The following INPP4A variants were observed in gnomAD, a reference collection of about 807,000 sequenced individuals.
INPP4A encodes inositol polyphosphate-4-phosphatase type I A.
Under a neutral mutation model 119.8 loss-of-function variants are expected in INPP4A, and 33 were observed. The observed-to-expected ratio is 0.28, with a 90% CI of 0.21 to 0.37. The LOEUF is 0.37. Ranked by LOEUF, INPP4A falls within the 10% of genes least tolerant of loss-of-function variation. The probability of loss-of-function intolerance (pLI) is 1.00; values close to 1 mark genes in which losing one functional copy is unlikely to be tolerated. For missense variants in INPP4A, 956 were observed against 1,289.9 expected (o/e 0.74, Z 3.97); for synonymous variants, 496 against 500.7 (o/e 0.99, Z 0.12).
intron 1 of INPP4A, among the ~76,000 whole-genome samples, chr2:98,458,003 T>G (rs6756034): frequency 0.028 from 4,119 of 149,468 alleles, 203 homozygotes; most frequent in African/African-American, 0.097. Flanking sequence ...TTTTTTTGTT[T>G]AAATGAGGTC....
In INPP4A at chr2:98,588,915, T is replaced by A. The variant is rs1364269284; in HGVS notation, c.*1307T>A. The A allele has an allele frequency of 5.0e-6, 1 of 199,252 alleles. No individual in the cohort carries two copies. Among genetic ancestry groups the A allele is most frequent in the African/African-American group, 2.3e-5 (1 of 43,452 alleles). The allele number at this position is 199,252 out of a possible 1,614,324, so 12.3% of individuals were successfully genotyped here. ...TGATTTGTGAACCTCTTAGAAATTC[T>A]TTTGTCTAAAAGCCTAGAGATTCTT... On this transcript the variant is annotated 3_prime_UTR_variant, in exon 25 of 25. Transcript: ENST00000409851.
At chr2:98,490,461 C>T (rs17032688) in intron 1 of INPP4A, among the ~76,000 whole-genome samples, 1,667 of 152,136 alleles carry the variant, frequency 0.011, 31 homozygotes, top group African/African-American at 0.038. Flanking sequence ...CAGCGGTCTC[C>T]TCCATTGGGC....
At chr2:98,535,431 T>A (rs909978224) in intron 5 of INPP4A, among the ~76,000 whole-genome samples, 12 of 152,248 alleles carry the variant, frequency 7.9e-5, no homozygotes, top group African/African-American at 2.9e-4. Flanking sequence ...TTTTTAAAAA[T>A]TCCTCCTGTT....
intron 24 of INPP4A, among the ~76,000 whole-genome samples, chr2:98,586,713 G>A (rs1365856400): frequency 6.6e-6 from 1 of 152,222 alleles, no homozygotes; most frequent in Non-Finnish European, 1.5e-5. Flanking sequence ...TGAGGATGAC[G>A]CTGGTAGTGA....
rs1425888839 is a variant in INPP4A at position 98,591,190 on chromosome 2, A to G, written c.*3582A>G. On this transcript the variant is annotated 3_prime_UTR_variant, in exon 25 of 25. Transcript: ENST00000409851. ...CTGGCTTCACCATGGAAGGTGGGACATATGGGACAGCCATGTCCTTGTGGG... is the reference window on the plus strand; with the variant it reads ...CTGGCTTCACCATGGAAGGTGGGACGTATGGGACAGCCATGTCCTTGTGGG... 1 of 178,582 alleles carries G rather than the reference A, an allele frequency of 5.6e-6. No individual in the cohort carries two copies. The highest frequency in any genetic ancestry group is 2.4e-5 in the African/African-American group (1 of 42,402). The allele number at this position is 178,582 out of a possible 1,614,324, so 11.1% of individuals were successfully genotyped here.
chr2:98,468,538 T>C (rs907526251), intron 1 of INPP4A, among the ~76,000 whole-genome samples: 9 of 152,134 alleles, frequency 5.9e-5, no homozygotes, highest in Admixed American at 5.9e-4. Context: ...CATGTATGGC[T>C]GAAAACAGAA....
At position 98,590,513 on chromosome 2, in the gene INPP4A, C is replaced by T. The variant is rs573440763; in HGVS notation, c.*2905C>T. On this transcript the variant is annotated 3_prime_UTR_variant, in exon 25 of 25. Transcript: ENST00000409851. ...TACCTTCCTCATAAGGAACGTGCGA[C>T]GCGCCTCAGAAGTACGTGTTCATAA... 31 of 193,362 alleles carry T rather than the reference C, an allele frequency of 1.6e-4. No homozygotes were observed. The highest frequency in any genetic ancestry group is 4.3e-4 in the Admixed American group (7 of 16,350). 12.0% of individuals were successfully genotyped at this position (193,362 alleles called of 1,614,324 possible).
chr2:98,519,051 AG>A (rs1394010190), intron 2 of INPP4A, 26 bp downstream of exon 2: 1 of 152,272 alleles, frequency 6.6e-6, no homozygotes, highest in African/African-American at 2.4e-5. Flanking sequence ...AATTAACCCA[AG>A]GACAGGAGCC....
At chr2:98,551,331 G>A (rs1218251657) in intron 13 of INPP4A, among the ~76,000 whole-genome samples, 1 of 152,204 alleles carries the variant, frequency 6.6e-6, no homozygotes, top group Non-Finnish European at 1.5e-5. Context: ...ATTTGGAAGA[G>A]TGATTGCAGA....
intron 10 of INPP4A, among the ~76,000 whole-genome samples, chr2:98,539,925 T>A (rs901891929): frequency 6.6e-6 from 1 of 152,096 alleles, no homozygotes; most frequent in Non-Finnish European, 1.5e-5. Flanking sequence ...GAACCTCCTC[T>A]TTTCTCTTCT....
Position 98,564,733 on chromosome 2 carries a change from G to A in INPP4A, c.2122G>A (p.Ala708Thr). ...CCAGCTCTACACCATCGGGCTGCTG[G>A]CCCAGTTCGAGAGCCTGCTGAGCAC... ...LRQLYTIGLL[A>T]QFESLLSTYG... The change falls in exon 19 of 25, where the codon GCC becomes ACC. Residue 708 changes from alanine (A) to threonine (T), a missense_variant. By Grantham distance (58) the Ala-to-Thr change is moderately conservative. This residue lies in a region of INPP4A where 304 missense variants were observed against 492.1 expected (regional missense o/e 0.62). Transcript: ENST00000409851. 1 of 1,596,214 alleles carries A rather than the reference G, an allele frequency of 6.3e-7. No homozygotes were observed. The highest frequency in any genetic ancestry group is 8.5e-7 in the Non-Finnish European group (1 of 1,171,744).
intron 24 of INPP4A, among the ~76,000 whole-genome samples, chr2:98,586,733 G>T (rs1176852565): frequency 6.6e-6 from 1 of 152,192 alleles, no homozygotes; most frequent in Admixed American, 6.5e-5. Context: ...AGTTCTCTAG[G>T]GAAGGGCACC....
chr2:98,537,785 TA>T, intron 7 of INPP4A, 77 bp from the exon 8 acceptor site: 1 of 1,121,318 alleles, frequency 8.9e-7, no homozygotes, highest in African/African-American at 1.5e-5. Flanking sequence ...GATGACCCAG[TA>T]CGGCTAGGGC....
chr2:98,482,492 G>A (rs979737250), intron 1 of INPP4A, among the ~76,000 whole-genome samples: 2 of 152,266 alleles, frequency 1.3e-5, no homozygotes, highest in African/African-American at 4.8e-5. Context: ...CAACAGAAAG[G>A]TGGGCACCTA....
chr2:98,488,900 T>G (rs1680101875), intron 1 of INPP4A, among the ~76,000 whole-genome samples: 1 of 151,202 alleles, frequency 6.6e-6, no homozygotes, highest in African/African-American at 2.4e-5. Flanking sequence ...CAATGCAACC[T>G]AAGGACTTTG....
At chr2:98,467,185 C>G (rs751881221) in intron 1 of INPP4A, among the ~76,000 whole-genome samples, 2 of 152,146 alleles carry the variant, frequency 1.3e-5, no homozygotes, top group Non-Finnish European at 2.9e-5. Flanking sequence ...TTGTGGGAAC[C>G]AACGGAGTGA....
intron 1 of INPP4A, among the ~76,000 whole-genome samples, chr2:98,500,444 C>T (rs1303023425): frequency 6.6e-6 from 1 of 152,158 alleles, no homozygotes; most frequent in Non-Finnish European, 1.5e-5. Context: ...TCTGCTGTTC[C>T]AGAGAAAAGT....
At position 98,559,514 on chromosome 2, in the gene INPP4A, A is replaced by T; in HGVS notation, c.1855+19A>T. 1 of 1,612,952 alleles carries T rather than the reference A, an allele frequency of 6.2e-7. No homozygotes were observed. Among genetic ancestry groups the T allele is most frequent in the African/African-American group, 1.3e-5 (1 of 75,028 alleles). On this transcript the variant is annotated intron_variant, in intron 17 of 24. Coordinates refer to ENST00000409851, the MANE Select transcript of INPP4A (RefSeq NM_001134225.2). ...AGCCCAGGTACGTGGTTTCCGTTCA[A>T]GGCTCCTGCTGATGCCCTTTTAATT...
chr2:98,547,143 A>G (rs1054181266), intron 13 of INPP4A, among the ~76,000 whole-genome samples: 1 of 152,204 alleles, frequency 6.6e-6, no homozygotes, highest in African/African-American at 2.4e-5. Context: ...ATTTCCAGGT[A>G]GGGAGGGTGG....
Sources: gnomAD v4.1 joint callset for allele counts (sites outside exome capture counted in the v4.1 genomes callset) on GRCh38, gnomAD v4.1.1 for gene constraint, gnomAD v4.1.1 regional missense constraint, MANE v1.5 for transcripts, NCBI Gene and HGNC (gene_info 2026-07-23, HGNC 2026-07-21) for gene names.